The following LDLRAD3 variants were observed in gnomAD, a reference collection of about 807,000 sequenced individuals.
LDLRAD3 encodes low density lipoprotein receptor class A domain containing 3, also known as low-density lipoprotein receptor class A domain-containing protein 3.
A neutral mutation model predicts 29.4 loss-of-function variants in LDLRAD3; 20 were observed. The ratio of observed to expected loss-of-function variants is 0.68; its 90% CI spans 0.48 to 0.99. LDLRAD3 has a LOEUF of 0.99. LDLRAD3 is among the 50% of genes least tolerant of loss of function. LDLRAD3 has a pLI of 0.00. For missense variants in LDLRAD3, 420 were observed against 454.3 expected (o/e 0.92, Z 0.69); for synonymous variants, 157 against 192.7 (o/e 0.81, Z 1.53).
Position 36,002,260 on chromosome 11 carries a change from G to C in LDLRAD3, c.47-33843G>C, listed in dbSNP as rs149741626. ...TAGCATACACTTAACAGTCATTCCT[G>C]TTGATCAGAAAAATCCCCAGAAATT... On this transcript the variant is annotated intron_variant, in intron 1 of 5. Transcript: ENST00000315571. Among the ~76,000 whole-genome samples the C allele has an allele frequency of 1.3e-4, 20 of 152,322 alleles. No homozygotes were observed. The East Asian group carries it at 3.9e-3, about 29-fold the overall frequency.
At chr11:36,089,660 G>A (rs908524395) in intron 3 of LDLRAD3, among the ~76,000 whole-genome samples, 11 of 152,206 alleles carry the variant, frequency 7.2e-5, no homozygotes, top group African/African-American at 2.4e-4. Context: ...AAGTGCAGTG[G>A]TGCAATCATA....
chr11:35,962,580 C>T (rs987594921), intron 1 of LDLRAD3, among the ~76,000 whole-genome samples: 6 of 152,148 alleles, frequency 3.9e-5, no homozygotes, highest in Non-Finnish European at 8.8e-5. Flanking sequence ...TCTGGACCAC[C>T]TCCAGTTTAA....
At chr11:36,152,641 A>C (rs975288198) in intron 4 of LDLRAD3, among the ~76,000 whole-genome samples, 9 of 152,122 alleles carry the variant, frequency 5.9e-5, no homozygotes, top group Non-Finnish European at 1.3e-4. Context: ...TCTGCTTCCA[A>C]CTCCCTTTGG....
intron 1 of LDLRAD3, among the ~76,000 whole-genome samples, chr11:35,987,006 G>C (rs1047506982): frequency 6.6e-6 from 1 of 152,184 alleles, no homozygotes; most frequent in Non-Finnish European, 1.5e-5. Flanking sequence ...CTCAGCAAAG[G>C]TTAGTTGAGT....
chr11:35,985,318 A>C (rs1367962897), intron 1 of LDLRAD3, among the ~76,000 whole-genome samples: 1 of 152,168 alleles, frequency 6.6e-6, no homozygotes, highest in African/African-American at 2.4e-5. Flanking sequence ...TGGAGTTAGT[A>C]AATCTCTAGC....
chr11:36,140,992 T>TTCTCTCCCTCTCTC (rs1554967881), intron 4 of LDLRAD3, among the ~76,000 whole-genome samples: 2 of 109,996 alleles, frequency 1.8e-5, no homozygotes, highest in Admixed American at 1.1e-4. Context: ...CTGTTGAGCT[T>TTCTCTCCCTCTCTC]TCTCTCTCTC....
intron 1 of LDLRAD3, among the ~76,000 whole-genome samples, chr11:35,955,557 A>G (rs1851190559): frequency 6.6e-6 from 1 of 152,220 alleles, no homozygotes; most frequent in African/African-American, 2.4e-5. Context: ...AAAATCCATT[A>G]TGTAAGGACT....
At chr11:36,196,264 A>C (rs1478422898) in intron 4 of LDLRAD3, 1 of 149,940 alleles carries the variant, frequency 6.7e-6, no homozygotes, top group African/African-American at 2.4e-5. Context: ...TGGAAAAAGC[A>C]CACTTTTTTC....
intron 4 of LDLRAD3, among the ~76,000 whole-genome samples, chr11:36,169,117 C>T (rs1426952623): frequency 2.0e-5 from 3 of 152,160 alleles, no homozygotes; most frequent in African/African-American, 7.2e-5. Context: ...ACCCCTGCTC[C>T]TCCTGGGGCA....
chr11:36,189,872 TC>T (rs1854914581), intron 4 of LDLRAD3, among the ~76,000 whole-genome samples: 1 of 152,182 alleles, frequency 6.6e-6, no homozygotes, highest in Admixed American at 6.5e-5. Flanking sequence ...AATGATGACT[TC>T]CAGCTTCATC....
chr11:36,037,712 G>A (rs1852322684), intron 2 of LDLRAD3, among the ~76,000 whole-genome samples: 1 of 152,160 alleles, frequency 6.6e-6, no homozygotes, highest in South Asian at 2.1e-4. Context: ...CACCTCTGGA[G>A]CAAGCTGCCC....
chr11:36,180,590 C>T (rs1018366773), intron 4 of LDLRAD3, among the ~76,000 whole-genome samples: 2 of 152,134 alleles, frequency 1.3e-5, no homozygotes, highest in Admixed American at 6.5e-5. Flanking sequence ...TTTGCCTCTA[C>T]TCTGGGTGAC....
At chr11:36,100,402 G>A (rs975590968) in intron 4 of LDLRAD3, among the ~76,000 whole-genome samples, 2 of 152,234 alleles carry the variant, frequency 1.3e-5, no homozygotes, top group African/African-American at 4.8e-5. Context: ...AGCATAGATA[G>A]GAAGGATTGA....
intron 4 of LDLRAD3, among the ~76,000 whole-genome samples, chr11:36,171,232 C>G (rs899459220): frequency 6.6e-6 from 1 of 152,122 alleles, no homozygotes; most frequent in Non-Finnish European, 1.5e-5. Flanking sequence ...AAGATTTTCT[C>G]CCATTCTGTT....
chr11:36,065,181 G>A (rs1852771793), intron 2 of LDLRAD3, among the ~76,000 whole-genome samples: 1 of 152,156 alleles, frequency 6.6e-6, no homozygotes, highest in Non-Finnish European at 1.5e-5. Context: ...TTTGCTTCAA[G>A]AATCTTGGGG....
In LDLRAD3 at chr11:36,075,112, A is replaced by C. The variant is rs1852975382; in HGVS notation, c.194-6541A>C. ...GGAAGTCTGGAAATTTGGTGTACCG[A>C]GAATGCCTGTGTGACCAGCCTCTCA... On this transcript the variant is annotated intron_variant, in intron 2 of 5. Transcript: ENST00000315571. 2.0e-5 allele frequency among the ~76,000 whole-genome samples: 3 copies of C among 152,140 alleles called. 1 individual carries two copies. The highest frequency in any genetic ancestry group is 7.2e-5 in the African/African-American group (3 of 41,436).
intron 4 of LDLRAD3, among the ~76,000 whole-genome samples, chr11:36,103,485 C>T (rs916017626): frequency 1.3e-5 from 2 of 152,076 alleles, no homozygotes; most frequent in African/African-American, 4.8e-5. Context: ...ATGATCCGCC[C>T]GCCTCGGCCT....
intron 1 of LDLRAD3, among the ~76,000 whole-genome samples, chr11:35,992,977 C>T (rs1851708374): frequency 6.6e-6 from 1 of 152,156 alleles, no homozygotes; most frequent in Non-Finnish European, 1.5e-5. Flanking sequence ...CCAGTCTTTT[C>T]CATTTTTTTC....
At chr11:36,091,202 A>G (rs1159591102) in intron 3 of LDLRAD3, among the ~76,000 whole-genome samples, 9 of 152,168 alleles carry the variant, frequency 5.9e-5, no homozygotes, top group Admixed American at 5.9e-4. Context: ...CAGGATGGAG[A>G]AGCCGATGGG....
Sources: allele counts gnomAD v4.1 joint callset (sites outside exome capture counted in the v4.1 genomes callset), GRCh38; gene constraint gnomAD v4.1.1; transcripts MANE v1.5; gene names NCBI Gene and HGNC (gene_info 2026-07-23, HGNC 2026-07-21).